Variants in PRR33 observed in about 807,000 individuals in gnomAD.
PRR33 encodes proline rich 33, also known as proline-rich protein 33.
PRR33 carries 1 observed loss-of-function variant against 0.5 expected under a neutral mutation model. That is an observed-to-expected ratio of 2.18 (90% CI 0.77 to 10.34). The LOEUF (loss-of-function observed/expected upper bound fraction) is 10.34. PRR33 is among the 30% of genes most tolerant of loss of function. The pLI, the probability that PRR33 is intolerant of heterozygous loss-of-function variation, is 0.13. For missense variants in PRR33, 552 were observed against 251.8 expected (o/e 2.19, Z -8.07); for synonymous variants, 226 against 110.0 (o/e 2.06, Z -6.60).
At chr11:1,913,475 C>T in the PRR33 span, among the ~76,000 whole-genome samples, 5 of 152,166 alleles carry the variant, frequency 3.3e-5, no homozygotes, top group East Asian at 1.9e-4. Flanking sequence ...ATCCAGGCCT[C>T]GCATTTCCCT....
At chr11:1,915,575 T>C in the PRR33 span, among the ~76,000 whole-genome samples, 1 of 29,804 alleles carries the variant, frequency 3.4e-5, no homozygotes, top group African/African-American at 1.5e-4. Flanking sequence ...TGTGTGTGCA[T>C]GTGTTGGGGG....
At chr11:1,897,709 G>A in the PRR33 span, among the ~76,000 whole-genome samples, 1 of 152,170 alleles carries the variant, frequency 6.6e-6, no homozygotes, top group Non-Finnish European at 1.5e-5. The surrounding 1 kb of genome is among the most constrained non-coding windows in gnomAD (Gnocchi z 4.0). Context: ...TCCAGCTTCC[G>A]GTCACAGAAT....
chr11:1,901,416 A>G, the PRR33 span, among the ~76,000 whole-genome samples: 13 of 152,218 alleles, frequency 8.5e-5, no homozygotes, highest in Non-Finnish European at 1.8e-4. Context: ...CCTAAATATT[A>G]TCAGATACAT....
At chr11:1,916,227 C>T in the PRR33 span, among the ~76,000 whole-genome samples, 56 of 152,094 alleles carry the variant, frequency 3.7e-4, no homozygotes, top group African/African-American at 1.1e-3. Context: ...CAGCCTTCAG[C>T]GTCTGGGAAG....
the PRR33 span, among the ~76,000 whole-genome samples, chr11:1,917,599 CCA>C: frequency 6.6e-6 from 1 of 152,258 alleles, no homozygotes; most frequent in Non-Finnish European, 1.5e-5. Context: ...TCTCCTTGGA[CCA>C]TCCCGGTCCG....
chr11:1,904,028 A>G, the PRR33 span, among the ~76,000 whole-genome samples: 1 of 152,220 alleles, frequency 6.6e-6, no homozygotes, highest in African/African-American at 2.4e-5. Context: ...CCCAGCTTAG[A>G]TAAAAAAATT....
the PRR33 span, among the ~76,000 whole-genome samples, chr11:1,901,817 A>G: frequency 6.6e-6 from 1 of 152,260 alleles, no homozygotes; most frequent in East Asian, 1.9e-4. Flanking sequence ...TCCCTCCCAG[A>G]CGTTGCAAAT....
At chr11:1,892,995 G>A (rs566867318), upstream of PRR33, among the ~76,000 whole-genome samples, 462 of 148,882 alleles carry the variant, frequency 3.1e-3, 2 homozygotes, top group African/African-American at 0.011. Context: ...AAGTGGGTGG[G>A]TGGGTGGATG....
the PRR33 span, among the ~76,000 whole-genome samples, chr11:1,913,572 G>C: frequency 6.6e-6 from 1 of 152,084 alleles, no homozygotes; most frequent in African/African-American, 2.4e-5. Context: ...CCCTGACCAC[G>C]TCCCCTCTGA....
chr11:1,903,780 T>G, the PRR33 span, among the ~76,000 whole-genome samples: 2 of 152,320 alleles, frequency 1.3e-5, no homozygotes, highest in African/African-American at 4.8e-5. Flanking sequence ...CGTGATCAAC[T>G]GAGCAATGAT....
At chr11:1,894,084 G>C (rs751686159), upstream of PRR33, among the ~76,000 whole-genome samples, 1 of 150,760 alleles carries the variant, frequency 6.6e-6, no homozygotes, top group Admixed American at 6.6e-5. Flanking sequence ...GTGTGATAGG[G>C]CCTCACTCTG....
upstream of PRR33, among the ~76,000 whole-genome samples, chr11:1,892,621 T>A (rs556740103): frequency 6.6e-6 from 1 of 152,312 alleles, no homozygotes; most frequent in Admixed American, 6.5e-5. Flanking sequence ...CAGTGAAGGT[T>A]TGGAAAACAG....
the PRR33 span, among the ~76,000 whole-genome samples, chr11:1,904,856 T>C: frequency 6.6e-6 from 1 of 151,808 alleles, no homozygotes; most frequent in Non-Finnish European, 1.5e-5. Flanking sequence ...GCTGCCTCTC[T>C]TGTTCCTGAT....
chr11:1,914,839 A>G, the PRR33 span, among the ~76,000 whole-genome samples: 1 of 116,054 alleles, frequency 8.6e-6, no homozygotes, highest in Non-Finnish European at 1.7e-5. Flanking sequence ...GGGTGTACAA[A>G]CCTGGAGATG....
the PRR33 span, among the ~76,000 whole-genome samples, chr11:1,909,503 C>T: frequency 2.6e-5 from 4 of 152,122 alleles, no homozygotes; most frequent in Non-Finnish European, 4.4e-5. Context: ...CCCAGCTACT[C>T]GGGAGACTGA....
At chr11:1,906,401 T>C in the PRR33 span, among the ~76,000 whole-genome samples, 1 of 152,234 alleles carries the variant, frequency 6.6e-6, no homozygotes, top group Non-Finnish European at 1.5e-5. Context: ...CAGTTGGCTC[T>C]GAGTGACTGA....
At chr11:1,903,994 C>A in the PRR33 span, among the ~76,000 whole-genome samples, 1 of 152,202 alleles carries the variant, frequency 6.6e-6, no homozygotes, top group South Asian at 2.1e-4. Flanking sequence ...TGGACCCAGT[C>A]CAGTTTCTGT....
At chr11:1,905,249 TCCC>T in the PRR33 span, among the ~76,000 whole-genome samples, 1 of 144,428 alleles carries the variant, frequency 6.9e-6, no homozygotes, top group Non-Finnish European at 1.5e-5. Flanking sequence ...TGACTCAGCC[TCCC>T]GAGTAGCTGG....
the PRR33 span, among the ~76,000 whole-genome samples, chr11:1,899,555 G>T: frequency 3.3e-5 from 5 of 152,252 alleles, no homozygotes; most frequent in African/African-American, 1.2e-4. Context: ...TTCTATATAG[G>T]ACTTCCAGGG....
Sources: allele counts gnomAD v4.1 joint callset (sites outside exome capture counted in the v4.1 genomes callset), GRCh38; gene constraint gnomAD v4.1.1; non-coding constraint Gnocchi (gnomAD v3.1); transcripts MANE v1.5; gene names NCBI Gene and HGNC (gene_info 2026-07-23, HGNC 2026-07-21).